SEC31B: variants seen among roughly 807,000 people sequenced by gnomAD.
The protein encoded by SEC31B is SEC31 homolog B, COPII component, also known as protein transport protein Sec31B.
SEC31B carries 113 observed loss-of-function variants against 135.0 expected under a neutral mutation model. The ratio of observed to expected loss-of-function variants is 0.84; its 90% CI spans 0.72 to 0.98. SEC31B has a LOEUF of 0.98. Ranked by LOEUF, SEC31B falls within the 50% of genes least tolerant of loss-of-function variation. The pLI is 0.00. For missense variants in SEC31B, 1,296 were observed against 1,421.1 expected (o/e 0.91, Z 1.42); for synonymous variants, 508 against 549.4 (o/e 0.92, Z 1.05).
chr10:100,505,882 T>C (rs905424366), intron 9 of SEC31B, 158 bp downstream of exon 9: 8 of 1,505,140 alleles, frequency 5.3e-6, no homozygotes, highest in Admixed American at 2.2e-5. Flanking sequence ...ACTAACATCC[T>C]TTCAGGAAGA....
intron 5 of SEC31B, chr10:100,508,341 A>T: frequency 1.9e-6 from 1 of 540,220 alleles, no homozygotes; most frequent in Non-Finnish European, 3.5e-6. Context: ...GTCTAGGACA[A>T]AAAAAGAGGG....
intron 19 of SEC31B, among the ~76,000 whole-genome samples, chr10:100,493,337 C>T (rs1433893922): frequency 6.6e-6 from 1 of 150,796 alleles, no homozygotes; most frequent in Middle Eastern, 3.4e-3. Context: ...CGCGCCACTG[C>T]ACTCCAGCCT....
intron 10 of SEC31B, among the ~76,000 whole-genome samples, chr10:100,503,411 C>A (rs1029604185): frequency 3.3e-5 from 5 of 151,600 alleles, no homozygotes; most frequent in Admixed American, 6.6e-5. Flanking sequence ...CAGGTTATTC[C>A]AATGTGTATC....
chr10:100,507,826 G>C, intron 6 of SEC31B, 82 bp downstream of exon 6: 1 of 1,578,468 alleles, frequency 6.3e-7, no homozygotes, highest in East Asian at 2.2e-5. Flanking sequence ...GCAGGACTCT[G>C]GCCTGGGGCA....
chr10:100,500,887 A>T (rs1484167353), intron 11 of SEC31B, among the ~76,000 whole-genome samples: 1 of 152,136 alleles, frequency 6.6e-6, no homozygotes, highest in East Asian at 1.9e-4. Context: ...AACCATCATG[A>T]TGGACAGCTC....
At position 100,496,350 on chromosome 10, in the gene SEC31B, T is replaced by C. The variant is rs1851408318; in HGVS notation, c.2218A>G (p.Thr740Ala). The C allele has an allele frequency of 6.2e-7, 1 of 1,614,210 alleles. No homozygotes were observed. Among genetic ancestry groups the C allele is most frequent in the Non-Finnish European group, 8.5e-7 (1 of 1,180,030 alleles). The change falls in exon 18 of 26, where the codon ACA becomes GCA. Residue 740 changes from threonine (T) to alanine (A), a missense_variant. Transcript: ENST00000370345. The stretch of plus-strand genomic sequence containing the variant: ...GCATACTGAGTGACCCTGTAGGTTG[T>C]GGCAGGGCCTGGGCTCACCCCATGA... Reference protein sequence around the residue: ...GPHGVSPGPATTYRVTQYANL... With the variant: ...GPHGVSPGPAATYRVTQYANL...
intron 19 of SEC31B, among the ~76,000 whole-genome samples, chr10:100,494,078 G>A (rs1202796346): frequency 6.6e-6 from 1 of 150,882 alleles, no homozygotes; most frequent in East Asian, 1.9e-4. Context: ...GACAAGATGA[G>A]CCATCAGAGC....
chr10:100,497,688 C>G lies in SEC31B; in HGVS notation c.1969G>C (p.Glu657Gln). The G allele has an allele frequency of 1.2e-6, 2 of 1,614,220 alleles. No homozygotes were observed. The highest frequency in any genetic ancestry group is 1.3e-5 in the African/African-American group (1 of 75,060). ...TTACCACAGAGCTCGGGAAATTTCTCTGTGCCTGAGTATGTCAGTAGCAAA... is the reference window on the plus strand; with the variant it reads ...TTACCACAGAGCTCGGGAAATTTCTGTGTGCCTGAGTATGTCAGTAGCAAA... ...LALLLTYSGT[E>Q]KFPELCDMLG... The change falls in exon 16 of 26, where the codon GAG (glutamate) becomes CAG (glutamine). Residue 657 changes from glutamate to glutamine, a missense_variant. By Grantham distance (29) the Glu-to-Gln change is conservative (BLOSUM62 2). Coordinates refer to ENST00000370345, the MANE Select transcript of SEC31B (RefSeq NM_015490.4).
Position 100,509,422 on chromosome 10 carries a change from A to G in SEC31B, c.293T>C (p.Ile98Thr). 6.2e-7 allele frequency: 1 copy of G among 1,614,152 alleles called. No individual in the cohort carries two copies. The highest frequency in any genetic ancestry group is 8.5e-7 in the Non-Finnish European group (1 of 1,180,016). The change falls in exon 4 of 26, where the codon ATT (isoleucine) becomes ACT (threonine). Residue 98 changes from isoleucine (I) to threonine (T), a missense_variant. Transcript: ENST00000370345. The stretch of plus-strand genomic sequence containing the variant: ...CAGGATGTGGGTCACATTGTATAGA[A>G]TAAGCATGCCATTGTCCCCGCCGCC... The part of the protein sequence containing the change: ...IVGGGDNGML[I>T]LYNVTHILSS...
chr10:100,490,078 G>C lies in SEC31B; in HGVS notation c.2895C>G (p.Tyr965Ter). The C allele has an allele frequency of 6.4e-7, 1 of 1,574,206 alleles. No homozygotes were observed. Among genetic ancestry groups the C allele is most frequent in the Non-Finnish European group, 8.6e-7 (1 of 1,163,636 alleles). The change falls in exon 21 of 26, where the codon TAC becomes TAG. Residue 965 changes from tyrosine to a stop codon, truncating the protein, a stop_gained. Coordinates refer to ENST00000370345, the MANE Select transcript of SEC31B (RefSeq NM_015490.4). LOFTEE classifies it high-confidence loss of function. ...PAPPASFPVP[Y>*]LPGDPGAPCS... ...ATGGGGCACCTGGGTCCCCTGGAAGGTATGGCACAGGGAAGCTTGCAGGAG... is the reference window on the plus strand; with the variant it reads ...ATGGGGCACCTGGGTCCCCTGGAAGCTATGGCACAGGGAAGCTTGCAGGAG...
intron 19 of SEC31B, among the ~76,000 whole-genome samples, chr10:100,493,730 T>A (rs944181765): frequency 6.6e-6 from 1 of 152,108 alleles, no homozygotes; most frequent in Non-Finnish European, 1.5e-5. Flanking sequence ...TAAACACACA[T>A]AAACACACAC....
intron 19 of SEC31B, among the ~76,000 whole-genome samples, chr10:100,493,682 TTGG>T (rs1851348110): frequency 6.6e-6 from 1 of 152,198 alleles, no homozygotes; most frequent in African/African-American, 2.4e-5. Flanking sequence ...TATCTTGATT[TTGG>T]TGGTGGTTAC....
At chr10:100,487,825 A>G (rs1239532679) in intron 25 of SEC31B, 30 bp from the exon 26 acceptor site, 1 of 1,611,166 alleles carries the variant, frequency 6.2e-7, no homozygotes, top group Non-Finnish European at 8.5e-7. Context: ...TAGGTTAGTG[A>G]GCCCAACCCA....
In SEC31B at chr10:100,490,699, C is replaced by G. The variant is rs759367647; in HGVS notation, c.2650+7G>C. 47 of 1,560,792 alleles carry G rather than the reference C, an allele frequency of 3.0e-5. No homozygotes were observed. The highest frequency in any genetic ancestry group is 4.0e-5 in the Non-Finnish European group (46 of 1,151,348). On this transcript the variant is annotated splice_region_variant and intron_variant, in intron 20 of 25. Coordinates refer to ENST00000370345, the MANE Select transcript of SEC31B (RefSeq NM_015490.4). ...CTGCCCAGATAGATCTTCAGTGACT[C>G]ACTCACCAGGCCTTACCCCAGGGCT...
At chr10:100,494,685 A>G (rs1851369244) in intron 19 of SEC31B, among the ~76,000 whole-genome samples, 1 of 152,172 alleles carries the variant, frequency 6.6e-6, no homozygotes, top group Non-Finnish European at 1.5e-5. Flanking sequence ...TGAAACTCTG[A>G]TCAAACATCC....
At chr10:100,510,257 C>T (rs1418870721) in intron 3 of SEC31B, among the ~76,000 whole-genome samples, 3 of 152,188 alleles carry the variant, frequency 2.0e-5, no homozygotes, top group Non-Finnish European at 4.4e-5. Context: ...GAGAAAAGAC[C>T]CAATGGCCTC....
intron 18 of SEC31B, 136 bp from the exon 19 acceptor site, chr10:100,495,682 C>CTGTTT (rs1278346361): frequency 1.1e-5 from 11 of 1,012,518 alleles, no homozygotes; most frequent in East Asian, 2.6e-5. Context: ...TTGTTCTGTT[C>CTGTTT]TGTTTTGTTT....
Position 100,502,358 on chromosome 10 carries a change from C to A in SEC31B, c.1306G>T (p.Glu436Ter). The A allele has an allele frequency of 6.2e-7, 1 of 1,614,172 alleles. No individual in the cohort carries two copies. The highest frequency in any genetic ancestry group is 1.1e-5 in the South Asian group (1 of 91,088). Residue 436 changes from glutamate (E) to a stop codon, truncating the protein, a stop_gained, in exon 11 of 26, where the codon GAG becomes TAG. Transcript: ENST00000370345. LOFTEE classifies it high-confidence loss of function. ...CCTGATCCCAAGGCCTCCTGCAGCT[C>A]AGCTGATCGCATCAGGAATTCAGAT... Reference protein sequence around the residue: ...TESEFLMRSAELQEALGSGNL... With the variant: ...TESEFLMRSA
intron 9 of SEC31B, chr10:100,505,812 C>A (rs1851619076): frequency 3.4e-6 from 5 of 1,452,778 alleles, no homozygotes; most frequent in Non-Finnish European, 3.6e-6. Context: ...CCCTGAAATA[C>A]TACAGGGCCC....
Sources: allele counts gnomAD v4.1 joint callset (sites outside exome capture counted in the v4.1 genomes callset), GRCh38; gene constraint gnomAD v4.1.1; transcripts MANE v1.5; gene names NCBI Gene and HGNC (gene_info 2026-07-23, HGNC 2026-07-21).